FHIT: variants seen among roughly 807,000 people sequenced by gnomAD.
The protein encoded by FHIT is bis(5'-adenosyl)-triphosphatase.
Under a neutral mutation model 17.9 loss-of-function variants are expected in FHIT, and 19 were observed. The observed-to-expected ratio is 1.06, with a 90% CI of 0.74 to 1.56. The LOEUF (loss-of-function observed/expected upper bound fraction) is 1.56. Ranked by LOEUF, FHIT falls within the 40% of genes most tolerant of loss-of-function variation. The probability of loss-of-function intolerance (pLI) is 0.00; values close to 1 mark genes in which losing one functional copy is unlikely to be tolerated. For missense variants in FHIT, 248 were observed against 189.2 expected, an observed-to-expected ratio of 1.31 and a Z score of -1.82; for synonymous variants, 81 against 69.7, an observed-to-expected ratio of 1.16 and a Z score of -0.81.
chr3:59,892,385 C>A (rs563125413), intron 8 of FHIT, among the ~76,000 whole-genome samples: 1 of 152,280 alleles, frequency 6.6e-6, no homozygotes, highest in Non-Finnish European at 1.5e-5. Flanking sequence ...TGAAAATAAC[C>A]ATCAACAAAG....
At chr3:60,895,547 T>C (rs953806005) in intron 3 of FHIT, among the ~76,000 whole-genome samples, 4 of 152,178 alleles carry the variant, frequency 2.6e-5, no homozygotes, top group Admixed American at 2.6e-4. Context: ...CTATAATAGT[T>C]GTAAAAAAGT....
chr3:60,229,898 C>G (rs1466768066), intron 5 of FHIT, among the ~76,000 whole-genome samples: 1 of 152,168 alleles, frequency 6.6e-6, no homozygotes, highest in South Asian at 2.1e-4. Context: ...AGGAGGACAG[C>G]TTGAGCCCAA....
chr3:60,006,437 A>C (rs1699927054), intron 7 of FHIT, among the ~76,000 whole-genome samples: 2 of 152,174 alleles, frequency 1.3e-5, no homozygotes, highest in Admixed American at 1.3e-4. Context: ...TCTATTTTAT[A>C]GATGAGAAAC....
intron 4 of FHIT, among the ~76,000 whole-genome samples, chr3:60,691,895 T>C (rs1553699627): frequency 6.6e-6 from 1 of 152,118 alleles, no homozygotes; most frequent in Non-Finnish European, 1.5e-5. Flanking sequence ...TCTTGGGAGG[T>C]CAACATTTAC....
At chr3:61,210,873 G>C (rs903191520) in intron 1 of FHIT, among the ~76,000 whole-genome samples, 1 of 151,892 alleles carries the variant, frequency 6.6e-6, no homozygotes, top group African/African-American at 2.4e-5. Context: ...TGGAAATGCA[G>C]AAATCACCCA....
intron 4 of FHIT, among the ~76,000 whole-genome samples, chr3:60,622,232 T>C (rs1246721497): frequency 1.3e-5 from 2 of 152,148 alleles, no homozygotes; most frequent in Admixed American, 1.3e-4. Flanking sequence ...AGTCCCAAAT[T>C]GGCCGAAAAG....
intron 8 of FHIT, among the ~76,000 whole-genome samples, chr3:59,802,801 C>A (rs894473979): frequency 1.3e-5 from 2 of 152,188 alleles, no homozygotes; most frequent in Admixed American, 6.5e-5. Flanking sequence ...CTAGTCACTT[C>A]ACTACTGCTA....
chr3:59,831,585 A>G (rs371596992), intron 8 of FHIT, among the ~76,000 whole-genome samples: 68 of 152,180 alleles, frequency 4.5e-4, no homozygotes, highest in African/African-American at 1.5e-3. Flanking sequence ...CCTTATAATG[A>G]CTTAGCCTCA....
chr3:60,857,680 C>T (rs997632180), intron 3 of FHIT, among the ~76,000 whole-genome samples: 7 of 152,148 alleles, frequency 4.6e-5, no homozygotes, highest in African/African-American at 1.7e-4. Context: ...CCTGTAATCC[C>T]AACTTTGGGA....
chr3:60,461,119 T>G (rs149795521), intron 5 of FHIT, among the ~76,000 whole-genome samples: 311 of 152,302 alleles, frequency 2.0e-3, no homozygotes, highest in African/African-American at 7.2e-3. Flanking sequence ...AAAAATTTTT[T>G]CTTCACACTG....
chr3:60,388,997 G>A (rs1701120904), intron 5 of FHIT, among the ~76,000 whole-genome samples: 1 of 152,166 alleles, frequency 6.6e-6, no homozygotes. Context: ...CCTACTTTTA[G>A]TCATCCTGGT....
chr3:61,140,686 A>G lies in FHIT; in HGVS notation c.-164+59931T>C, dbSNP rs549299049. Among the ~76,000 whole-genome samples the G allele has an allele frequency of 5.2e-4, 79 of 152,304 alleles. No homozygotes were observed. The Middle Eastern group carries it at 0.01, about 20-fold the overall frequency. On this transcript the variant is annotated intron_variant, in intron 2 of 9. Coordinates refer to ENST00000492590, the MANE Select transcript of FHIT (RefSeq NM_002012.4). ...CACTGGCCTCTTTCCTTATATCTAG[A>G]AGAACGTCCTACCTTCCTGGTCATA...
intron 2 of FHIT, among the ~76,000 whole-genome samples, chr3:61,059,637 C>T (rs1316180088): frequency 6.6e-6 from 1 of 152,144 alleles, no homozygotes; most frequent in Admixed American, 6.5e-5. Context: ...CCTCAAACCT[C>T]CTTCAAAGAA....
At chr3:61,203,175 GTC>G (rs1560068449) in intron 1 of FHIT, among the ~76,000 whole-genome samples, 1 of 49,326 alleles carries the variant, frequency 2.0e-5, no homozygotes, top group Non-Finnish European at 4.1e-5. Flanking sequence ...GCGAGACTCC[GTC>G]TCAAAAAAAA....
intron 5 of FHIT, among the ~76,000 whole-genome samples, chr3:60,136,506 T>C (rs1303759646): frequency 6.6e-6 from 1 of 152,142 alleles, no homozygotes; most frequent in Non-Finnish European, 1.5e-5. Flanking sequence ...GCTGAAATTC[T>C]TCCCCATTCT....
intron 8 of FHIT, among the ~76,000 whole-genome samples, chr3:59,794,768 T>C (rs925115357): frequency 1.4e-4 from 21 of 152,310 alleles, no homozygotes; most frequent in Admixed American, 9.8e-4. Context: ...AGCTCCAATC[T>C]ACAGCTGAAG....
chr3:60,002,552 T>C (rs549884739), intron 7 of FHIT, among the ~76,000 whole-genome samples: 69 of 152,300 alleles, frequency 4.5e-4, no homozygotes, highest in African/African-American at 1.6e-3. Flanking sequence ...CTCACCATGT[T>C]TGGCCTGAGG....
At chr3:60,913,623 AAAC>A (rs1312527123) in intron 3 of FHIT, among the ~76,000 whole-genome samples, 2 of 152,228 alleles carry the variant, frequency 1.3e-5, no homozygotes, top group African/African-American at 4.8e-5. Context: ...TAGTGACTTT[AAAC>A]AACAATTTAT....
chr3:61,075,733 A>G (rs1456299920), intron 2 of FHIT, among the ~76,000 whole-genome samples: 1 of 152,128 alleles, frequency 6.6e-6, no homozygotes, highest in Non-Finnish European at 1.5e-5. Context: ...ATAATACTTT[A>G]TATTTTTGTT....
Sources: allele counts gnomAD v4.1 joint callset (sites outside exome capture counted in the v4.1 genomes callset), GRCh38; gene constraint gnomAD v4.1.1; transcripts MANE v1.5; gene names NCBI Gene and HGNC (gene_info 2026-07-23, HGNC 2026-07-21).